Variants in LETM1 observed in about 807,000 individuals in gnomAD.
The protein encoded by LETM1 is leucine zipper and EF-hand containing transmembrane protein 1.
In LETM1, 50 loss-of-function variants were observed where a neutral mutation model predicts 74.5. The ratio of observed to expected loss-of-function variants is 0.67; its 90% CI spans 0.53 to 0.85. LETM1 has a LOEUF of 0.85. Among genes scored for constraint, LETM1 ranks in the 40% least tolerant of loss-of-function variants. LETM1 has a pLI of 0.00. For synonymous variants in LETM1, 446 were observed against 407.1 expected (o/e 1.10, Z -1.15); for missense variants, 824 against 967.8 (o/e 0.85, Z 1.97).
At chr4:1,828,319 CA>C (rs1186015219) in intron 6 of LETM1, among the ~76,000 whole-genome samples, 12 of 109,708 alleles carry the variant, frequency 1.1e-4, no homozygotes, top group African/African-American at 3.6e-4. Flanking sequence ...GCTGGCCGGG[CA>C]GGGGGGCTGA....
chr4:1,846,668 A>C (rs1712892753), intron 2 of LETM1: 1 of 152,246 alleles, frequency 6.6e-6, no homozygotes, highest in Non-Finnish European at 1.5e-5. Context: ...AGATTACTTA[A>C]ACCCAAAAGC....
Position 1,834,334 on chromosome 4 carries a change from T to G in LETM1, c.876+511A>C. The G allele has an allele frequency of 3.1e-6, 3 of 958,640 alleles. No individual in the cohort carries two copies. Among genetic ancestry groups the G allele is most frequent in the East Asian group, 1.2e-4 (1 of 8,668 alleles). 59.4% of individuals were successfully genotyped at this position (958,640 alleles called of 1,614,324 possible). A position where few individuals can be genotyped will look rare whatever the true frequency, so the allele number is the denominator to read the frequency against. ...CCCATCTAGTCCTCAGGGATCTCGG[T>G]CCGTGGCAGCTGCCGTCTCCCCATC... is the stretch of plus-strand genomic sequence containing the variant. On this transcript the variant is annotated intron_variant, in intron 5 of 13. Transcript: ENST00000302787. This position sits in a 1 kb window ranked among gnomAD's most constrained non-coding sequence, Gnocchi z 5.0.
At chr4:1,828,530 C>T (rs1470345205) in intron 6 of LETM1, among the ~76,000 whole-genome samples, 1 of 107,398 alleles carries the variant, frequency 9.3e-6, no homozygotes, top group Non-Finnish European at 1.9e-5. Flanking sequence ...ACCTCCCTCC[C>T]GGACGGGGCG....
At position 1,815,817 on chromosome 4, in the gene LETM1, C is replaced by T; in HGVS notation, c.1932-15G>A. On this transcript the variant is annotated splice_polypyrimidine_tract_variant and intron_variant, in intron 12 of 13. Coordinates refer to ENST00000302787, the MANE Select transcript of LETM1 (RefSeq NM_012318.3). ...TGACGTTCTCCCTGTGGAAGCACAG[C>T]CTGCATGTGGCCACGGGCAGGCGTC... is the stretch of plus-strand genomic sequence containing the variant. The T allele has an allele frequency of 6.2e-7, 1 of 1,612,590 alleles. No homozygotes were observed. Among genetic ancestry groups the T allele is most frequent in the Non-Finnish European group, 8.5e-7 (1 of 1,179,172 alleles).
chr4:1,834,976 TCTC>T lies in LETM1; in HGVS notation c.742_744del (p.Glu248del). ...TTGACCCGAAGCTCCTTCTTCAGCC[TCTC>T]CTCCTGCAAGGGCAGAGAGGGCACT... On this transcript the variant is annotated inframe_deletion, in exon 5 of 14. Transcript: ENST00000302787. This position sits in a 1 kb window ranked among gnomAD's most constrained non-coding sequence, Gnocchi z 5.0. 1.2e-6 allele frequency: 2 copies of T among 1,613,756 alleles called. No homozygotes were observed. Among genetic ancestry groups the T allele is most frequent in the Non-Finnish European group, 1.7e-6 (2 of 1,179,856 alleles).
At chr4:1,830,067 T>C (rs1280295959) in intron 6 of LETM1, among the ~76,000 whole-genome samples, 2 of 152,222 alleles carry the variant, frequency 1.3e-5, no homozygotes, top group Non-Finnish European at 2.9e-5. Flanking sequence ...CATTATTTCT[T>C]GAGGTACTTT....
chr4:1,823,195 C>T, intron 8 of LETM1, 64 bp from the exon 9 acceptor site: 6 of 1,519,262 alleles, frequency 3.9e-6, no homozygotes, highest in Non-Finnish European at 5.3e-6. Flanking sequence ...CTGCCCCTCA[C>T]CTCTGTCCTG....
At position 1,849,177 on chromosome 4, in the gene LETM1, C is replaced by A. The variant is rs1304658967; in HGVS notation, c.115G>T (p.Ala39Ser). 1.2e-6 allele frequency: 2 copies of A among 1,613,538 alleles called. No individual in the cohort carries two copies. The highest frequency in any genetic ancestry group is 3.3e-5 in the Admixed American group (2 of 60,020). The part of the protein sequence containing the change: ...SPGDPAHLSC[A>S]STLGLRNCLN... ...CAGTTCCTCAACCCCAGGGTGCTGG[C>A]ACAGCTGAGATGAGCAGGATCCCCT... The change falls in exon 2 of 14, where the codon GCC becomes TCC. Residue 39 changes from alanine (A) to serine (S), a missense_variant. Transcript: ENST00000302787.
Position 1,812,553 on chromosome 4 carries a change from A to G in LETM1, c.*1871T>C, listed in dbSNP as rs1722499452. On this transcript the variant is annotated 3_prime_UTR_variant, in exon 14 of 14. Transcript: ENST00000302787. Reference sequence around the variant, plus strand: ...GACTGTTTTAAGAAGCTTATTACACAAAGCTCATATTTCTGGATCCACCAC... The same window carrying G: ...GACTGTTTTAAGAAGCTTATTACACGAAGCTCATATTTCTGGATCCACCAC... The G allele has an allele frequency of 1.3e-5, 2 of 152,422 alleles. 1 individual carries two copies. Among genetic ancestry groups the G allele is most frequent in the South Asian group, 4.1e-4 (2 of 4,820 alleles). 9.4% of individuals were successfully genotyped at this position (152,422 alleles called of 1,614,324 possible). A position where few individuals can be genotyped will look rare whatever the true frequency, so the allele number is the denominator to read the frequency against.
intron 1 of LETM1, among the ~76,000 whole-genome samples, chr4:1,851,705 CA>C (rs1203354962): frequency 4.6e-5 from 7 of 152,356 alleles, no homozygotes; most frequent in African/African-American, 1.7e-4. Context: ...GGGCCCAGCG[CA>C]TTCTCCGCTA....
Position 1,823,792 on chromosome 4 carries a change from G to C in LETM1, c.1201-17C>G, listed in dbSNP as rs202174337. On this transcript the variant is annotated splice_polypyrimidine_tract_variant and intron_variant, in intron 7 of 13. Transcript: ENST00000302787. The stretch of plus-strand genomic sequence containing the variant: ...GTCCAGCCACTGCAACCAAGGCCAG[G>C]TTCAGCAGATGGGCAGCCCCCCAAC... 1 of 1,598,528 alleles carries C rather than the reference G, an allele frequency of 6.3e-7. No homozygotes were observed. Among genetic ancestry groups the C allele is most frequent in the African/African-American group, 1.3e-5 (1 of 74,840 alleles).
intron 10 of LETM1, among the ~76,000 whole-genome samples, chr4:1,820,615 C>T (rs1184420758): frequency 6.6e-6 from 1 of 152,214 alleles, no homozygotes; most frequent in Non-Finnish European, 1.5e-5. Context: ...CCTGCATGTG[C>T]AGGACATCTG....
intron 7 of LETM1, among the ~76,000 whole-genome samples, chr4:1,824,124 A>T: frequency 6.6e-6 from 1 of 152,146 alleles, no homozygotes; most frequent in East Asian, 1.9e-4. Context: ...GAAGTTCGAG[A>T]CCAGCCTGGC....
rs1317830821 is a variant in LETM1, at chr4:1,855,850, TG to T, written c.82+18del. ...CACCAGCCGGGAGCCGGCCCCGCCC[TG>T]GGGTGCCCGCCGCTTACCCCGCGGG... On this transcript the variant is annotated intron_variant, in intron 1 of 13. Transcript: ENST00000302787. The T allele has an allele frequency of 8.2e-7, 1 of 1,215,140 alleles. No individual in the cohort carries two copies. The highest frequency in any genetic ancestry group is 1.0e-6 in the Non-Finnish European group (1 of 977,250). 75.3% of individuals were successfully genotyped at this position (1,215,140 alleles called of 1,614,324 possible).
At chr4:1,840,313 G>A (rs2108850854) in intron 3 of LETM1, among the ~76,000 whole-genome samples, 1 of 152,226 alleles carries the variant, frequency 6.6e-6, no homozygotes, top group East Asian at 1.9e-4. Context: ...GGAGGCGGAG[G>A]TTGCAGTGAG....
At position 1,845,702 on chromosome 4, in the gene LETM1, A is replaced by G. The variant is rs865870671; in HGVS notation, c.143+3447T>C. 8.5e-4 allele frequency among the ~76,000 whole-genome samples: 129 copies of G among 151,138 alleles called. 4 individuals carry two copies. The highest frequency in any genetic ancestry group is 2.2e-4 in the Non-Finnish European group (15 of 67,832). On this transcript the variant is annotated intron_variant, in intron 2 of 13. Transcript: ENST00000302787. ...GCTGGGATTATAGGCATGTGCCACCACGCCCAGGTAATTTTTGTATTTTTA... is the reference window on the plus strand; with the variant it reads ...GCTGGGATTATAGGCATGTGCCACCGCGCCCAGGTAATTTTTGTATTTTTA...
intron 6 of LETM1, 142 bp from the exon 7 acceptor site, chr4:1,825,825 TAG>T: frequency 1.0e-6 from 1 of 955,450 alleles, no homozygotes; most frequent in Non-Finnish European, 1.6e-6. Flanking sequence ...AGTTCTAGGT[TAG>T]AAGTGACTGG....
chr4:1,835,035 C>A (rs1712414385), intron 4 of LETM1, 53 bp from the exon 5 acceptor site: 1 of 1,583,010 alleles, frequency 6.3e-7, no homozygotes, highest in Non-Finnish European at 8.6e-7. Context: ...GTGGTTCGGG[C>A]AAGGAAAACA....
rs569124874 is a variant in LETM1, at chr4:1,849,248, C to A, written c.83-39G>T. On this transcript the variant is annotated intron_variant, in intron 1 of 13. Transcript: ENST00000302787. The stretch of plus-strand genomic sequence containing the variant: ...AGGGGAAAATAAATGAGTAGTAAAT[C>A]AGGGATTTATACTGATACCTTTTTT... The A allele has an allele frequency of 4.1e-6, 6 of 1,455,714 alleles. No homozygotes were observed. In the South Asian group the frequency reaches 6.9e-5, roughly 17 times the overall value. The allele number at this position is 1,455,714 out of a possible 1,614,324, so 90.2% of individuals were successfully genotyped here.
Sources: allele counts gnomAD v4.1 joint callset (sites outside exome capture counted in the v4.1 genomes callset), GRCh38; gene constraint gnomAD v4.1.1; non-coding constraint Gnocchi (gnomAD v3.1); transcripts MANE v1.5; gene names NCBI Gene and HGNC (gene_info 2026-07-23, HGNC 2026-07-21).